DNAH7: variants seen among roughly 807,000 people sequenced by gnomAD.
The protein encoded by DNAH7 is dynein axonemal heavy chain 7.
Under a neutral mutation model 444.6 loss-of-function variants are expected in DNAH7, and 397 were observed. That is an observed-to-expected ratio of 0.89 (90% CI 0.82 to 0.97). The LOEUF (loss-of-function observed/expected upper bound fraction) is 0.97. Ranked by LOEUF, DNAH7 falls within the 50% of genes least tolerant of loss-of-function variation. DNAH7 has a pLI of 0.00. For missense variants in DNAH7, 4,902 were observed against 4,800.8 expected, an observed-to-expected ratio of 1.02 and a Z score of -0.62; for synonymous variants, 1,636 against 1,624.4, an observed-to-expected ratio of 1.01 and a Z score of -0.17.
At position 195,972,313 on chromosome 2, in the gene DNAH7, T is replaced by C; in HGVS notation, c.1987A>G (p.Met663Val). The C allele has an allele frequency of 6.2e-7, 1 of 1,614,134 alleles. No individual in the cohort carries two copies. The highest frequency in any genetic ancestry group is 1.1e-5 in the South Asian group (1 of 91,088). ...NNSVFQWYGRMGEIFEEHRKI... is the reference protein window; with the variant it reads ...NNSVFQWYGRVGEIFEEHRKI... ...CTGTGTTCTTCAAAAATTTCTCCCA[T>C]CCTTCCATACCACTGGAAAACACTA... is the stretch of plus-strand genomic sequence containing the variant. Residue 663 changes from methionine (M) to valine (V), a missense_variant, in exon 16 of 65, where the codon ATG (methionine) becomes GTG (valine). Met to Val is a conservative substitution (Grantham distance 21). Coordinates refer to ENST00000312428, the MANE Select transcript of DNAH7 (RefSeq NM_018897.3).
chr2:195,919,620 C>A (rs1687900544), intron 24 of DNAH7, among the ~76,000 whole-genome samples: 1 of 152,156 alleles, frequency 6.6e-6, no homozygotes, highest in South Asian at 2.1e-4. Context: ...GCTGGGATCA[C>A]AGGCATGAGC....
At chr2:195,851,797 T>C (rs1340389803) in intron 46 of DNAH7, among the ~76,000 whole-genome samples, 1 of 152,194 alleles carries the variant, frequency 6.6e-6, no homozygotes, top group Non-Finnish European at 1.5e-5. Flanking sequence ...CACCTAGTGA[T>C]GTGCTCTGAA....
intron 63 of DNAH7, among the ~76,000 whole-genome samples, chr2:195,750,544 G>T (rs902169577): frequency 6.6e-6 from 1 of 152,178 alleles, no homozygotes; most frequent in Non-Finnish European, 1.5e-5. Flanking sequence ...CTTTCGTTGA[G>T]AAATGTGATG....
intron 49 of DNAH7, among the ~76,000 whole-genome samples, chr2:195,819,911 G>T (rs1248707549): frequency 6.6e-6 from 1 of 152,200 alleles, no homozygotes; most frequent in African/African-American, 2.4e-5. Context: ...GGTCTAGAGT[G>T]TGGCCTGAGT....
intron 15 of DNAH7, among the ~76,000 whole-genome samples, chr2:195,984,170 G>C: frequency 6.6e-6 from 1 of 152,106 alleles, no homozygotes. Flanking sequence ...TGAGGGACAA[G>C]TGGAGCCAAG....
chr2:195,892,251 T>C (rs73040659), intron 30 of DNAH7, among the ~76,000 whole-genome samples: 1,745 of 152,304 alleles, frequency 0.011, 30 homozygotes, highest in African/African-American at 0.04. Flanking sequence ...TCTAAGTTTA[T>C]TGGCATTACG....
chr2:195,925,980 G>A (rs971734272), intron 22 of DNAH7, among the ~76,000 whole-genome samples: 8 of 151,860 alleles, frequency 5.3e-5, no homozygotes, highest in African/African-American at 1.9e-4. Flanking sequence ...TAATTATTAT[G>A]TATTCACAAT....
intron 27 of DNAH7, chr2:195,904,885 T>C (rs1023555310): frequency 2.6e-5 from 4 of 152,140 alleles, no homozygotes; most frequent in African/African-American, 9.7e-5. Context: ...TATTATTTTT[T>C]AAGGAATATG....
chr2:195,762,883 AT>A (rs1288157674), intron 61 of DNAH7, among the ~76,000 whole-genome samples: 1 of 152,196 alleles, frequency 6.6e-6, no homozygotes, highest in African/African-American at 2.4e-5. Flanking sequence ...AATGGTCCTA[AT>A]AGATACTTAC....
chr2:195,825,769 T>G (rs1697714169), intron 48 of DNAH7, among the ~76,000 whole-genome samples: 1 of 152,086 alleles, frequency 6.6e-6, no homozygotes, highest in South Asian at 2.1e-4. Context: ...AAAGGATGGG[T>G]GTACAATCTG....
rs114891848 is a variant in DNAH7 at position 195,945,672 on chromosome 2, C to A, written c.3079-8880G>T. On this transcript the variant is annotated intron_variant, in intron 19 of 64. Transcript: ENST00000312428. ...AATGCTTGTTGCCAAATTACATTTACTACAGTAAAGAAAACAAGGAAAATA... is the reference window on the plus strand; with the variant it reads ...AATGCTTGTTGCCAAATTACATTTAATACAGTAAAGAAAACAAGGAAAATA... Among the ~76,000 whole-genome samples the A allele has an allele frequency of 6.8e-3, 1,027 of 152,034 alleles. 7 individuals are homozygous for A. The highest frequency in any genetic ancestry group is 0.023 in the African/African-American group (973 of 41,446).
At chr2:196,058,205 A>G (rs934814957) in intron 1 of DNAH7, 89 bp from the exon 2 acceptor site, 3 of 909,596 alleles carry the variant, frequency 3.3e-6, no homozygotes, top group Non-Finnish European at 3.2e-6. Flanking sequence ...GTTTATTGTA[A>G]GCATACATCA....
chr2:195,865,003 C>A lies in DNAH7; in HGVS notation c.6652G>T (p.Asp2218Tyr). The A allele has an allele frequency of 6.3e-7, 1 of 1,599,274 alleles. No homozygotes were observed. The highest frequency in any genetic ancestry group is 1.1e-5 in the South Asian group (1 of 90,620). The change falls in exon 41 of 65, where the codon GAC becomes TAC. Residue 2218 changes from aspartate to tyrosine, a missense_variant. By Grantham distance (160) the Asp-to-Tyr change is radical (BLOSUM62 -3). Transcript: ENST00000312428. The stretch of plus-strand genomic sequence containing the variant: ...CTGTCTGTATTGTCCAGAAGGCGGT[C>A]ATAATACACTCGAAGGACCTGTATA... ...WVHEVLRVYY[D>Y]RLLDNTDRSW...
chr2:195,848,333 A>G (rs1307999374), intron 46 of DNAH7, among the ~76,000 whole-genome samples: 1 of 152,244 alleles, frequency 6.6e-6, no homozygotes, highest in African/African-American at 2.4e-5. Flanking sequence ...GATTCCTGGC[A>G]CCATGCCAGG....
At chr2:195,772,041 G>T in intron 60 of DNAH7, 151 bp from the exon 61 acceptor site, 2 of 693,128 alleles carry the variant, frequency 2.9e-6, no homozygotes, top group Middle Eastern at 3.1e-4. Flanking sequence ...TTAAAGTGAT[G>T]GTAACAGGCA....
At chr2:195,956,293 T>C (rs562326068) in intron 19 of DNAH7, among the ~76,000 whole-genome samples, 52 of 152,314 alleles carry the variant, frequency 3.4e-4, no homozygotes, top group African/African-American at 1.3e-3. Context: ...TTTAATGATA[T>C]GATTTAATAA....
intron 12 of DNAH7, among the ~76,000 whole-genome samples, chr2:195,989,731 A>G (rs568360824): frequency 3.8e-4 from 58 of 152,170 alleles, no homozygotes; most frequent in African/African-American, 1.3e-3. Context: ...GCCATAGCAA[A>G]CAAGTTCTCA....
intron 19 of DNAH7, among the ~76,000 whole-genome samples, chr2:195,949,456 G>A (rs1264551363): frequency 6.6e-6 from 1 of 152,022 alleles, no homozygotes; most frequent in African/African-American, 2.4e-5. Flanking sequence ...GCTAATTTTC[G>A]TATTTTCAGT....
chr2:195,960,194 C>A, intron 18 of DNAH7, 66 bp downstream of exon 18: 1 of 1,323,708 alleles, frequency 7.6e-7, no homozygotes, highest in Non-Finnish European at 1.0e-6. Context: ...CTCAAAAGAA[C>A]TTTACATTAA....
Sources: allele counts gnomAD v4.1 joint callset (sites outside exome capture counted in the v4.1 genomes callset), GRCh38; gene constraint gnomAD v4.1.1; transcripts MANE v1.5; gene names NCBI Gene and HGNC (gene_info 2026-07-23, HGNC 2026-07-21).